Variants in RESF1 observed in about 807,000 individuals in gnomAD.
RESF1 encodes gonad expressed transcript.
In RESF1, 65 loss-of-function variants were observed where a neutral mutation model predicts 134.7. The observed-to-expected ratio is 0.48, with a 90% CI of 0.40 to 0.59. RESF1 has a LOEUF of 0.59. Among genes scored for constraint, RESF1 ranks in the 20% least tolerant of loss-of-function variants. The probability of loss-of-function intolerance (pLI) is 0.00; values close to 1 mark genes in which losing one functional copy is unlikely to be tolerated. For missense variants in RESF1, 2,274 were observed against 2,002.7 expected, an observed-to-expected ratio of 1.14 and a Z score of -2.59; for synonymous variants, 762 against 702.2, an observed-to-expected ratio of 1.09 and a Z score of -1.35.
At chr12:31,959,791 G>C (rs1215643424) in intron 1 of RESF1, 1 of 151,970 alleles carries the variant, frequency 6.6e-6, no homozygotes, top group Non-Finnish European at 1.5e-5. Flanking sequence ...ACCGGAGGGC[G>C]GGCCTCGCTG....
At position 31,984,076 on chromosome 12, in the gene RESF1, A is replaced by G; in HGVS notation, c.3121A>G (p.Ile1041Val). 1 of 1,614,106 alleles carries G rather than the reference A, an allele frequency of 6.2e-7. No homozygotes were observed. Among genetic ancestry groups the G allele is most frequent in the Non-Finnish European group, 8.5e-7 (1 of 1,180,006 alleles). Residue 1041 changes from isoleucine to valine, a missense_variant, in exon 4 of 6, where the codon ATC becomes GTC. Coordinates refer to ENST00000312561, the MANE Select transcript of RESF1 (RefSeq NM_018169.4). ...TCCCCAAGATCCTGCAAGAAATGAAATCCACAGTGATAAGGCACCTGTCTT... is the reference window on the plus strand; with the variant it reads ...TCCCCAAGATCCTGCAAGAAATGAAGTCCACAGTGATAAGGCACCTGTCTT... ...YTPQDPARNE[I>V]HSDKAPVLYL... is the part of the protein sequence containing the mutation.
chr12:31,977,708 T>C (rs1007769144), intron 3 of RESF1, among the ~76,000 whole-genome samples: 4 of 152,172 alleles, frequency 2.6e-5, no homozygotes, highest in African/African-American at 9.6e-5. Context: ...TTGTTTTGCA[T>C]TTCCATGGAA....
intron 5 of RESF1, among the ~76,000 whole-genome samples, chr12:31,988,300 C>G (rs1442603305): frequency 4.6e-5 from 7 of 152,058 alleles, no homozygotes; most frequent in Non-Finnish European, 1.0e-4. Context: ...TGTTCCGTAT[C>G]TGTGGATTCA....
chr12:31,960,973 CAG>C (rs1172277699), intron 2 of RESF1, 102 bp downstream of exon 2: 1 of 152,184 alleles, frequency 6.6e-6, no homozygotes, highest in African/African-American at 2.4e-5. Context: ...ATTACTAGCT[CAG>C]TGAATCAACA....
chr12:31,985,803 A>G lies in RESF1; in HGVS notation c.4848A>G (p.Lys1616=). ...KLHKDKRQEN[K]HKTFLPVKGN... is the part of the protein sequence containing the mutation. ...ATAAAGATAAGAGACAGGAAAATAA[A>G]CATAAGACCTTTTTACCGGTGAAAG... Residue 1616 remains lysine (K), a synonymous_variant, in exon 4 of 6, where the codon AAA becomes AAG. Transcript: ENST00000312561. The G allele has an allele frequency of 6.4e-7, 1 of 1,566,250 alleles. No homozygotes were observed. Among genetic ancestry groups the G allele is most frequent in the Non-Finnish European group, 8.6e-7 (1 of 1,164,400 alleles).
At chr12:31,978,093 T>C (rs1429074478) in intron 3 of RESF1, among the ~76,000 whole-genome samples, 1 of 152,090 alleles carries the variant, frequency 6.6e-6, no homozygotes, top group African/African-American at 2.4e-5. Context: ...CAAGAGCCAC[T>C]GCGCTTGACC....
rs772855862 is a variant in RESF1 at position 31,982,870 on chromosome 12, A to G, written c.1915A>G (p.Asn639Asp). The G allele has an allele frequency of 1.2e-5, 20 of 1,614,120 alleles. No homozygotes were observed. The highest frequency in any genetic ancestry group is 1.7e-4 in the Middle Eastern group (1 of 6,060). The change falls in exon 4 of 6, where the codon AAT becomes GAT. Residue 639 changes from asparagine (N) to aspartate (D), a missense_variant. Coordinates refer to ENST00000312561, the MANE Select transcript of RESF1 (RefSeq NM_018169.4). ...GAACATGGAAACTCCAAGTACTTCT[A>G]ATGTAAGTGGCAGGGTTTTGGACAA... The part of the protein sequence containing the change: ...LKNMETPSTS[N>D]VSGRVLDNSF...
At position 31,992,374 on chromosome 12, in the gene RESF1, TTAGA is replaced by T; in HGVS notation, c.5087-1_5089del. 2 of 1,604,302 alleles carry T rather than the reference TTAGA, an allele frequency of 1.2e-6. No individual in the cohort carries two copies. The highest frequency in any genetic ancestry group is 3.5e-5 in the Admixed American group (2 of 57,700). On this transcript the variant is annotated splice_acceptor_variant and splice_polypyrimidine_tract_variant and coding_sequence_variant and intron_variant, in exon 6 of 6. Transcript: ENST00000312561. LOFTEE classifies it high-confidence loss of function. ...AAAGTAAGTAAAGTTTTTATTTCCCTTAGATAATGTTAATTCAAGACTCTCGAAG... is the reference window on the plus strand; with the variant it reads ...AAAGTAAGTAAAGTTTTTATTTCCCTTAATGTTAATTCAAGACTCTCGAAG...
chr12:31,965,186 A>T (rs1939370526), intron 2 of RESF1, among the ~76,000 whole-genome samples: 1 of 151,994 alleles, frequency 6.6e-6, no homozygotes. Context: ...CGAACTTCTG[A>T]CCTCAAGTGA....
intron 5 of RESF1, among the ~76,000 whole-genome samples, chr12:31,987,934 C>T (rs1049372880): frequency 6.6e-6 from 1 of 151,998 alleles, no homozygotes; most frequent in Non-Finnish European, 1.5e-5. Context: ...AGGGTTTCAC[C>T]GTGTTGGCCA....
chr12:31,982,197 TAAAATC>T lies in RESF1; in HGVS notation c.1245_1250del (p.Lys415_Ile416del). On this transcript the variant is annotated inframe_deletion, in exon 4 of 6. Transcript: ENST00000312561. ...AGTTTTCAGAACTTGCAAGGAAAAT[TAAAATC>T]AATAAAGATCTTTTGATGGCAGCAG... is the stretch of plus-strand genomic sequence containing the variant. 2 of 1,611,390 alleles carry T rather than the reference TAAAATC, an allele frequency of 1.2e-6. No individual in the cohort carries two copies. Among genetic ancestry groups the T allele is most frequent in the Non-Finnish European group, 1.7e-6 (2 of 1,179,398 alleles).
rs1168486841 is a variant in RESF1, at chr12:31,985,834, A to G, written c.4879A>G (p.Thr1627Ala). ...HKTFLPVKGNTEKSNMLEFKL... is the reference protein window; with the variant it reads ...HKTFLPVKGNAEKSNMLEFKL... ...GACCTTTTTACCGGTGAAAGGTAAC[A>G]CAGAAAAATCAAACATGCTGGAGTT... The change falls in exon 4 of 6, where the codon ACA becomes GCA. Residue 1627 changes from threonine to alanine, a missense_variant. Coordinates refer to ENST00000312561, the MANE Select transcript of RESF1 (RefSeq NM_018169.4). 1.3e-6 allele frequency: 2 copies of G among 1,565,878 alleles called. No homozygotes were observed. The highest frequency in any genetic ancestry group is 1.7e-6 in the Non-Finnish European group (2 of 1,164,318).
In RESF1 at chr12:31,983,126, A is replaced by G; in HGVS notation, c.2171A>G (p.Asn724Ser). 4 of 1,611,106 alleles carry G rather than the reference A, an allele frequency of 2.5e-6. No homozygotes were observed. Among genetic ancestry groups the G allele is most frequent in the African/African-American group, 2.7e-5 (2 of 74,794 alleles). ...KSPCSVVGNS[N>S]SQNKISNPSQ... ...CCTTGTTCAGTTGTGGGAAATTCAA[A>G]TTCTCAGAATAAAATAAGTAATCCC... Residue 724 changes from asparagine (N) to serine (S), a missense_variant, in exon 4 of 6, where the codon AAT (asparagine) becomes AGT (serine). Transcript: ENST00000312561.
At chr12:31,974,948 A>G (rs1939597662) in intron 3 of RESF1, among the ~76,000 whole-genome samples, 1 of 142,292 alleles carries the variant, frequency 7.0e-6, no homozygotes, top group Non-Finnish European at 1.5e-5. Flanking sequence ...TTTTTAACGG[A>G]TAGACTTTAT....
chr12:31,959,500 G>GT lies in RESF1; in HGVS notation c.-342+9_-342+10insT, dbSNP rs1202211870. On this transcript the variant is annotated intron_variant, in intron 1 of 5. Transcript: ENST00000312561. Reference sequence around the variant, plus strand: ...TCCTCTTCCCTTTGTCGGTAAGTGTGAGACGAGCACCCCGAGGTCCCTCCG... The same window carrying GT: ...TCCTCTTCCCTTTGTCGGTAAGTGTGTAGACGAGCACCCCGAGGTCCCTCCG... 6.6e-6 allele frequency: 1 copy of GT among 152,298 alleles called. No homozygotes were observed. The highest frequency in any genetic ancestry group is 2.4e-5 in the African/African-American group (1 of 41,466). The allele number at this position is 152,298 out of a possible 1,614,324, so 9.4% of individuals were successfully genotyped here. A position where few individuals can be genotyped will look rare whatever the true frequency, so the allele number is the denominator to read the frequency against.
At chr12:31,980,112 T>C in intron 3 of RESF1, among the ~76,000 whole-genome samples, 1 of 142,408 alleles carries the variant, frequency 7.0e-6, no homozygotes, top group Admixed American at 6.9e-5. Context: ...CTTTTCCTTT[T>C]TTTTTTTTTT....
At chr12:31,988,916 A>G (rs189447421) in intron 5 of RESF1, among the ~76,000 whole-genome samples, 78 of 151,036 alleles carry the variant, frequency 5.2e-4, no homozygotes, top group African/African-American at 1.9e-3. Context: ...CTGGTCTCAA[A>G]CTCCTGAACT....
At position 31,983,686 on chromosome 12, in the gene RESF1, A is replaced by G. The variant is rs1262901715; in HGVS notation, c.2731A>G (p.Lys911Glu). ...GDTSYNSQIA[K>E]IFSSLPLKMV... ...TACCTCTTACAATTCCCAAATAGCAAAGATATTCAGCTCTCTTCCCTTGAA... is the reference window on the plus strand; with the variant it reads ...TACCTCTTACAATTCCCAAATAGCAGAGATATTCAGCTCTCTTCCCTTGAA... Residue 911 changes from lysine to glutamate, a missense_variant, in exon 4 of 6, where the codon AAG becomes GAG. Transcript: ENST00000312561. The G allele has an allele frequency of 1.9e-6, 3 of 1,613,826 alleles. No homozygotes were observed. Among genetic ancestry groups the G allele is most frequent in the South Asian group, 2.2e-5 (2 of 91,088 alleles).
At chr12:31,961,464 T>C (rs1168959916) in intron 2 of RESF1, among the ~76,000 whole-genome samples, 1 of 152,240 alleles carries the variant, frequency 6.6e-6, no homozygotes, top group African/African-American at 2.4e-5. Context: ...AGGATTGTTA[T>C]GGTAGAGTTA....
Sources: gnomAD v4.1 joint callset for allele counts (sites outside exome capture counted in the v4.1 genomes callset) on GRCh38, gnomAD v4.1.1 for gene constraint, MANE v1.5 for transcripts, NCBI Gene and HGNC (gene_info 2026-07-23, HGNC 2026-07-21) for gene names.